Variants in EXOC4 observed in about 807,000 individuals in gnomAD.
The protein encoded by EXOC4 is SEC8-like 1.
Under a neutral mutation model 107.2 loss-of-function variants are expected in EXOC4, and 71 were observed. The observed-to-expected ratio is 0.66, with a 90% CI of 0.55 to 0.81. EXOC4 has a LOEUF of 0.81. Among genes scored for constraint, EXOC4 ranks in the 30% least tolerant of loss-of-function variants. EXOC4 has a pLI of 0.00. For missense variants in EXOC4, 1,108 were observed against 1,189.6 expected (o/e 0.93, Z 1.01); for synonymous variants, 456 against 441.2 (o/e 1.03, Z -0.42).
intron 13 of EXOC4, among the ~76,000 whole-genome samples, chr7:133,923,181 C>T (rs1357152694): frequency 3.5e-5 from 5 of 143,992 alleles, no homozygotes; most frequent in Non-Finnish European, 6.0e-5. Context: ...CAGGCTGTAG[C>T]GTAGTGGTGC....
chr7:133,725,621 C>A (rs1795198907), intron 10 of EXOC4, among the ~76,000 whole-genome samples: 1 of 152,146 alleles, frequency 6.6e-6, no homozygotes, highest in Non-Finnish European at 1.5e-5. Flanking sequence ...GGTTATCCAG[C>A]CACCTCAGCC....
chr7:133,526,783 A>G (rs1267890772), intron 9 of EXOC4, among the ~76,000 whole-genome samples: 1 of 152,150 alleles, frequency 6.6e-6, no homozygotes, highest in African/African-American at 2.4e-5. Context: ...CATCCTGGCC[A>G]ACATGGTGAA....
intron 9 of EXOC4, among the ~76,000 whole-genome samples, chr7:133,538,261 A>G (rs935962522): frequency 2.6e-5 from 4 of 152,180 alleles, no homozygotes; most frequent in Non-Finnish European, 5.9e-5. Flanking sequence ...TTCTTTCATT[A>G]TCGGTCATCC....
intron 9 of EXOC4, among the ~76,000 whole-genome samples, chr7:133,487,609 T>C (rs1255639722): frequency 6.6e-6 from 1 of 152,134 alleles, no homozygotes; most frequent in African/African-American, 2.4e-5. Flanking sequence ...GTCAGGAGGC[T>C]GAGACAGGAG....
chr7:133,829,991 T>TC (rs919540779), intron 11 of EXOC4, among the ~76,000 whole-genome samples: 1 of 152,194 alleles, frequency 6.6e-6, no homozygotes, highest in Non-Finnish European at 1.5e-5. Context: ...TCTCCTTTTT[T>TC]CCCCTTTATA....
chr7:133,593,437 A>G (rs1278770551), intron 9 of EXOC4, among the ~76,000 whole-genome samples: 1 of 152,224 alleles, frequency 6.6e-6, no homozygotes, highest in East Asian at 1.9e-4. Context: ...TCTTTAAGCC[A>G]CAGGCCATCT....
chr7:133,738,826 G>A (rs891180328), intron 10 of EXOC4, among the ~76,000 whole-genome samples: 1 of 152,170 alleles, frequency 6.6e-6, no homozygotes, highest in African/African-American at 2.4e-5. Context: ...ACTCCAAGTT[G>A]TGTTGGTACT....
At position 133,416,858 on chromosome 7, in the gene EXOC4, G is replaced by A. The variant is rs930119946; in HGVS notation, c.1182+41856G>A. On this transcript the variant is annotated intron_variant, in intron 7 of 17. Transcript: ENST00000253861. ...AGAGGAGGAGCTGAAGGAATGCACG[G>A]TGAGTGCCCTCCTGTTGGTAGGAAG... 2.6e-5 allele frequency among the ~76,000 whole-genome samples: 4 copies of A among 152,178 alleles called. No homozygotes were observed. The East Asian group carries it at 7.7e-4, about 29-fold the overall frequency.
At chr7:133,602,344 C>T (rs1338068311) in intron 9 of EXOC4, among the ~76,000 whole-genome samples, 1 of 152,122 alleles carries the variant, frequency 6.6e-6, no homozygotes, top group Non-Finnish European at 1.5e-5. Context: ...TTCCAAATCC[C>T]TGACTGTTTT....
chr7:133,574,353 A>G (rs888886584), intron 9 of EXOC4, among the ~76,000 whole-genome samples: 3 of 152,200 alleles, frequency 2.0e-5, no homozygotes, highest in African/African-American at 7.2e-5. Context: ...GCTTTCTTAG[A>G]TATTTAGGGA....
the EXOC4 span, among the ~76,000 whole-genome samples, chr7:134,095,416 A>G: frequency 2.6e-5 from 4 of 152,198 alleles, no homozygotes; most frequent in Admixed American, 2.0e-4. Context: ...TACAGATTCA[A>G]TGTTATTCCT....
chr7:133,374,882 T>C lies in EXOC4; in HGVS notation c.1062T>C (p.Ala354=). ...LLFDKFNAVA[A]AHSVVLGYLQ... ...TTGACAAGTTTAATGCTGTAGCCGC[T>C]GCACACTCTGTGGTCCTGGGATACC... is the stretch of plus-strand genomic sequence containing the variant. The change falls in exon 7 of 18, where the codon GCT becomes GCC. Residue 354 remains alanine, a synonymous_variant. Coordinates refer to ENST00000253861, the MANE Select transcript of EXOC4 (RefSeq NM_021807.4). 1 of 1,614,040 alleles carries C rather than the reference T, an allele frequency of 6.2e-7. No homozygotes were observed. The highest frequency in any genetic ancestry group is 8.5e-7 in the Non-Finnish European group (1 of 1,179,900).
At chr7:133,342,782 G>C (rs943876717) in intron 5 of EXOC4, among the ~76,000 whole-genome samples, 3 of 151,908 alleles carry the variant, frequency 2.0e-5, no homozygotes, top group African/African-American at 7.3e-5. Context: ...GAGCTCTGAA[G>C]TTCTTTCTTC....
At chr7:133,913,744 G>A (rs762008413) in intron 12 of EXOC4, among the ~76,000 whole-genome samples, 3 of 152,146 alleles carry the variant, frequency 2.0e-5, no homozygotes. Context: ...CTTTGGATAT[G>A]CAGACTGGAA....
intron 14 of EXOC4, among the ~76,000 whole-genome samples, chr7:133,942,541 A>G (rs1800455638): frequency 6.6e-6 from 1 of 152,110 alleles, no homozygotes; most frequent in Non-Finnish European, 1.5e-5. Flanking sequence ...GGTATCTTAG[A>G]AATCATCTGG....
intron 6 of EXOC4, among the ~76,000 whole-genome samples, chr7:133,365,830 T>C (rs1403468340): frequency 6.6e-6 from 1 of 152,304 alleles, no homozygotes; most frequent in African/African-American, 2.4e-5. Context: ...ACAAAGACCA[T>C]TTTTATCTAA....
At chr7:133,456,885 C>T (rs1328738490) in intron 7 of EXOC4, among the ~76,000 whole-genome samples, 2 of 152,160 alleles carry the variant, frequency 1.3e-5, no homozygotes, top group African/African-American at 4.8e-5. Flanking sequence ...ACACAGATAA[C>T]ACTTCAGGAT....
At chr7:133,553,077 C>A (rs1464881825) in intron 9 of EXOC4, among the ~76,000 whole-genome samples, 2 of 152,100 alleles carry the variant, frequency 1.3e-5, no homozygotes, top group Non-Finnish European at 2.9e-5. Context: ...GGGCAACTTA[C>A]AATATCTCAG....
At chr7:134,038,800 TTGGAGC>T (rs1305157046) in intron 17 of EXOC4, among the ~76,000 whole-genome samples, 1 of 152,186 alleles carries the variant, frequency 6.6e-6, no homozygotes, top group Non-Finnish European at 1.5e-5. Flanking sequence ...CTAGGGGCTC[TTGGAGC>T]ATCCCTGAGC....
Sources: allele counts gnomAD v4.1 joint callset (sites outside exome capture counted in the v4.1 genomes callset), GRCh38; gene constraint gnomAD v4.1.1; transcripts MANE v1.5; gene names NCBI Gene and HGNC (gene_info 2026-07-23, HGNC 2026-07-21).